Variants in AKAP8L observed in about 807,000 individuals in gnomAD.
AKAP8L encodes the protein A-kinase anchoring protein 8 like.
AKAP8L carries 34 observed loss-of-function variants against 77.5 expected under a neutral mutation model. The observed-to-expected ratio is 0.44, with a 90% CI of 0.33 to 0.58. The LOEUF (loss-of-function observed/expected upper bound fraction) is 0.58, where lower values mean the gene tolerates loss of function less well. AKAP8L is among the 20% of genes least tolerant of loss of function. The pLI is 0.02. For missense variants in AKAP8L, 806 were observed against 887.6 expected (o/e 0.91, Z 1.17); for synonymous variants, 342 against 340.7 (o/e 1.00, Z -0.04).
At chr19:15,386,087 T>G (rs1967531764) in intron 12 of AKAP8L, among the ~76,000 whole-genome samples, 1 of 151,982 alleles carries the variant, frequency 6.6e-6, no homozygotes. Context: ...ATTTTTTGTA[T>G]TTTTAGTAGA....
rs569893651 is a variant in AKAP8L, at chr19:15,403,944, G to C, written c.121+66C>G. ...CTCCCAACCTTGGCCAAGCAGGGCA[G>C]TGGCAGAGAAACACAGCCAGGACAA... On this transcript the variant is annotated intron_variant, in intron 3 of 13. Coordinates refer to ENST00000397410, the MANE Select transcript of AKAP8L (RefSeq NM_014371.4). The surrounding 1 kb of genome is among the most constrained non-coding windows in gnomAD (Gnocchi z 4.3). 6.3e-7 allele frequency: 1 copy of C among 1,580,168 alleles called. No individual in the cohort carries two copies. The highest frequency in any genetic ancestry group is 8.7e-7 in the Non-Finnish European group (1 of 1,151,358).
intron 12 of AKAP8L, among the ~76,000 whole-genome samples, chr19:15,387,745 G>A (rs533351293): frequency 4.6e-5 from 7 of 152,320 alleles, no homozygotes; most frequent in Non-Finnish European, 8.8e-5. Context: ...TGGCTCATAA[G>A]ATCAAGAGTT....
chr19:15,381,985 A>C (rs1967427565), intron 12 of AKAP8L: 1 of 152,254 alleles, frequency 6.6e-6, no homozygotes, highest in Admixed American at 6.5e-5. Flanking sequence ...ACCTGTGTTA[A>C]AACAATGACC....
At chr19:15,396,604 G>GC (rs1289844400) in intron 12 of AKAP8L, among the ~76,000 whole-genome samples, 3 of 152,126 alleles carry the variant, frequency 2.0e-5, no homozygotes, top group Non-Finnish European at 4.4e-5. Context: ...CCACATGCCA[G>GC]CCCCCGGCTC....
chr19:15,417,049 C>G (rs1483018930), intron 1 of AKAP8L, among the ~76,000 whole-genome samples: 1 of 152,094 alleles, frequency 6.6e-6, no homozygotes, highest in Non-Finnish European at 1.5e-5. Flanking sequence ...CTAATCATTA[C>G]TTTTTTAGCT....
In AKAP8L at chr19:15,410,560, C is replaced by T. The variant is rs778849830; in HGVS notation, c.48G>A (p.Ser16=). 11 of 1,593,674 alleles carry T rather than the reference C, an allele frequency of 6.9e-6. No individual in the cohort carries two copies. Among genetic ancestry groups the T allele is most frequent in the African/African-American group, 4.0e-5 (3 of 74,580 alleles). The change falls in exon 2 of 14, where the codon TCG becomes TCA. Residue 16 remains serine, a synonymous_variant. Coordinates refer to ENST00000397410, the MANE Select transcript of AKAP8L (RefSeq NM_014371.4). Reference sequence around the variant, plus strand: ...GCTGAGCGCTGGTATCCGAGTATGTCGACTGCAAAGTGGTTTCAGATCCCT... The same window carrying T: ...GCTGAGCGCTGGTATCCGAGTATGTTGACTGCAAAGTGGTTTCAGATCCCT... The part of the protein sequence containing the change: ...FVQGSETTLQ[S]TYSDTSAQPT...
chr19:15,390,624 C>T (rs1293965100), intron 12 of AKAP8L, among the ~76,000 whole-genome samples: 2 of 152,000 alleles, frequency 1.3e-5, no homozygotes, highest in African/African-American at 2.4e-5. Context: ...AATATATCAC[C>T]AAAACACTAC....
intron 4 of AKAP8L, among the ~76,000 whole-genome samples, chr19:15,402,196 ACAT>A (rs1967914498): frequency 6.6e-6 from 1 of 152,224 alleles, no homozygotes. Flanking sequence ...GAGCTGTATT[ACAT>A]CAACCCTGGA....
At chr19:15,406,400 A>AGAGAGAGAGAGAGG (rs1183555648) in intron 2 of AKAP8L, among the ~76,000 whole-genome samples, 6 of 146,400 alleles carry the variant, frequency 4.1e-5, no homozygotes, top group African/African-American at 1.5e-4. Flanking sequence ...AGAGAGAGAG[A>AGAGAGAGAGAGAGG]GAGATCCTTA....
chr19:15,403,802 G>C lies in AKAP8L; in HGVS notation c.122-87C>G. The C allele has an allele frequency of 8.4e-7, 1 of 1,188,336 alleles. No homozygotes were observed. Among genetic ancestry groups the C allele is most frequent in the South Asian group, 1.3e-5 (1 of 74,370 alleles). The allele number at this position is 1,188,336 out of a possible 1,614,324, so 73.6% of individuals were successfully genotyped here. On this transcript the variant is annotated intron_variant, in intron 3 of 13. Coordinates refer to ENST00000397410, the MANE Select transcript of AKAP8L (RefSeq NM_014371.4). This position sits in a 1 kb window ranked among gnomAD's most constrained non-coding sequence, Gnocchi z 4.3. ...GACAGAGACAAACACAGATACAAGG[G>C]TATCTTCTGTCACAGAGAGAGAAGA...
At chr19:15,380,677 C>G in intron 12 of AKAP8L, 65 bp from the exon 13 acceptor site, 2 of 1,534,912 alleles carry the variant, frequency 1.3e-6, no homozygotes, top group African/African-American at 1.4e-5. Flanking sequence ...CTGCCCCGAC[C>G]CTGCCAGCTT....
chr19:15,406,677 G>A (rs1263691744), intron 2 of AKAP8L, among the ~76,000 whole-genome samples: 1 of 151,836 alleles, frequency 6.6e-6, no homozygotes, highest in East Asian at 2.0e-4. Flanking sequence ...ATGTTGCCCA[G>A]GCTGGTCTCA....
intron 12 of AKAP8L, among the ~76,000 whole-genome samples, chr19:15,392,538 A>T (rs1201541211): frequency 6.6e-6 from 1 of 152,066 alleles, no homozygotes; most frequent in Non-Finnish European, 1.5e-5. Context: ...ATGCAAAAAA[A>T]ATCCAAAAAT....
chr19:15,398,607 G>A lies in AKAP8L; in HGVS notation c.1157+695C>T, dbSNP rs1012889696. ...GGGGCGGAGGAGGCCAGCCGCCACCGAGACCTCGGGGCGGGTCCCTACCTC... is the reference window on the plus strand; with the variant it reads ...GGGGCGGAGGAGGCCAGCCGCCACCAAGACCTCGGGGCGGGTCCCTACCTC... On this transcript the variant is annotated intron_variant, in intron 9 of 13. Coordinates refer to ENST00000397410, the MANE Select transcript of AKAP8L (RefSeq NM_014371.4). The surrounding 1 kb of genome is among the most constrained non-coding windows in gnomAD (Gnocchi z 9.2). The A allele has an allele frequency of 1.1e-5, 11 of 986,830 alleles. No individual in the cohort carries two copies. Among genetic ancestry groups the A allele is most frequent in the Non-Finnish European group, 1.3e-5 (11 of 830,886 alleles). The allele number at this position is 986,830 out of a possible 1,614,324, so 61.1% of individuals were successfully genotyped here. A position where few individuals can be genotyped will look rare whatever the true frequency, so the allele number is the denominator to read the frequency against.
chr19:15,402,747 C>T (rs1967923818), intron 4 of AKAP8L, among the ~76,000 whole-genome samples: 1 of 152,228 alleles, frequency 6.6e-6, no homozygotes. Context: ...GAGATACACC[C>T]ACGCTCCTCA....
chr19:15,412,509 T>C (rs1011306863), intron 1 of AKAP8L, among the ~76,000 whole-genome samples: 29 of 152,006 alleles, frequency 1.9e-4, no homozygotes, highest in African/African-American at 6.8e-4. Context: ...GCTTTAAAAC[T>C]ACATTAAAAA....
intron 12 of AKAP8L, 38 bp from the exon 13 acceptor site, chr19:15,380,650 G>C: frequency 1.9e-6 from 3 of 1,599,376 alleles, no homozygotes; most frequent in Non-Finnish European, 2.6e-6. Context: ...AGGCTGCTCT[G>C]AGTGCCCTAC....
chr19:15,409,796 C>T (rs1968073112), intron 2 of AKAP8L, among the ~76,000 whole-genome samples: 1 of 152,240 alleles, frequency 6.6e-6, no homozygotes, highest in African/African-American at 2.4e-5. Context: ...CTTCACTCAA[C>T]TCTGTGTGTG....
In AKAP8L at chr19:15,399,948, C is replaced by T. The variant is rs995527459; in HGVS notation, c.1048+347G>A. On this transcript the variant is annotated intron_variant, in intron 8 of 13. Coordinates refer to ENST00000397410, the MANE Select transcript of AKAP8L (RefSeq NM_014371.4). The surrounding 1 kb of genome is among the most constrained non-coding windows in gnomAD (Gnocchi z 6.1). Reference sequence around the variant, plus strand: ...AAAAACTGCACCGAGGGTCCCAGATCGGACACCAGCCACTGAGGACTTGGA... The same window carrying T: ...AAAAACTGCACCGAGGGTCCCAGATTGGACACCAGCCACTGAGGACTTGGA... 16 of 407,232 alleles carry T rather than the reference C, an allele frequency of 3.9e-5. No homozygotes were observed. Among genetic ancestry groups the T allele is most frequent in the Admixed American group, 1.6e-4 (4 of 24,964 alleles). The allele number at this position is 407,232 out of a possible 1,614,324, so 25.2% of individuals were successfully genotyped here.
Sources: allele counts gnomAD v4.1 joint callset (sites outside exome capture counted in the v4.1 genomes callset), GRCh38; gene constraint gnomAD v4.1.1; non-coding constraint Gnocchi (gnomAD v3.1); transcripts MANE v1.5; gene names NCBI Gene and HGNC (gene_info 2026-07-23, HGNC 2026-07-21).